Variants in RPIA observed in about 807,000 individuals in gnomAD.
RPIA encodes ribose 5-phosphate isomerase A.
In RPIA, 29 loss-of-function variants were observed where a neutral mutation model predicts 37.8. The observed-to-expected ratio is 0.77, with a 90% CI of 0.57 to 1.05. The LOEUF is 1.05. Among genes scored for constraint, RPIA ranks in the 50% least tolerant of loss-of-function variants. RPIA has a pLI of 0.00. For synonymous variants in RPIA, 167 were observed against 157.0 expected (o/e 1.06, Z -0.48); for missense variants, 385 against 413.6 (o/e 0.93, Z 0.60).
chr2:88,719,215 A>T (rs951188840), intron 3 of RPIA, among the ~76,000 whole-genome samples: 5 of 152,190 alleles, frequency 3.3e-5, no homozygotes, highest in African/African-American at 1.2e-4. Flanking sequence ...GTCAAGACAC[A>T]GTTGACAAGG....
At chr2:88,722,416 T>G (rs1315930695) in intron 3 of RPIA, among the ~76,000 whole-genome samples, 1 of 152,226 alleles carries the variant, frequency 6.6e-6, no homozygotes, top group Non-Finnish European at 1.5e-5. Context: ...CCATTACATT[T>G]ACTTATTTTA....
chr2:88,705,557 T>C (rs1187002355), intron 3 of RPIA, among the ~76,000 whole-genome samples: 1 of 152,078 alleles, frequency 6.6e-6, no homozygotes, highest in Non-Finnish European at 1.5e-5. Flanking sequence ...GAAAATTAAC[T>C]CAAGATGGAT....
At chr2:88,720,613 A>G (rs1410236283) in intron 3 of RPIA, among the ~76,000 whole-genome samples, 5 of 149,482 alleles carry the variant, frequency 3.3e-5, no homozygotes, top group Non-Finnish European at 4.4e-5. Context: ...TATTAAATAT[A>G]GTTTAAATAT....
In RPIA at chr2:88,736,583, C is replaced by T. The variant is rs1228525768; in HGVS notation, c.645C>T (p.Ile215=). ...LGDQWHKGIP[I]EVIPMAYVPV... ...ATCAGTGGCACAAGGGAATCCCCAT[C>T]GAGGTCATCCCAATGGCCTATGTCC... The change falls in exon 7 of 9, where the codon ATC becomes ATT. Residue 215 remains isoleucine, a synonymous_variant. Transcript: ENST00000283646. 8 of 1,613,974 alleles carry T rather than the reference C, an allele frequency of 5.0e-6. No individual in the cohort carries two copies. Among genetic ancestry groups the T allele is most frequent in the Admixed American group, 1.7e-5 (1 of 60,008 alleles).
At chr2:88,713,099 A>AATATATATATATAT (rs1553420187) in intron 3 of RPIA, among the ~76,000 whole-genome samples, 8 of 45,584 alleles carry the variant, frequency 1.8e-4, no homozygotes, top group African/African-American at 7.4e-4. Context: ...TGGATGTCTG[A>AATATATATATATAT]ATATATATAT....
At chr2:88,704,993 C>T (rs1166586604) in intron 3 of RPIA, among the ~76,000 whole-genome samples, 1 of 152,010 alleles carries the variant, frequency 6.6e-6, no homozygotes, top group Non-Finnish European at 1.5e-5. Flanking sequence ...AATAAAATAC[C>T]TAGGAATACA....
At chr2:88,719,168 A>G (rs1558693652) in intron 3 of RPIA, among the ~76,000 whole-genome samples, 1 of 152,168 alleles carries the variant, frequency 6.6e-6, no homozygotes, top group African/African-American at 2.4e-5. Context: ...CAAGACAACA[A>G]TTGTCATGGA....
intron 3 of RPIA, among the ~76,000 whole-genome samples, chr2:88,718,568 C>G (rs1173473728): frequency 6.6e-6 from 1 of 152,188 alleles, no homozygotes; most frequent in Non-Finnish European, 1.5e-5. Context: ...CTCAGGAATC[C>G]TGTACAGGGA....
At chr2:88,728,501 C>T (rs1277296898) in intron 3 of RPIA, among the ~76,000 whole-genome samples, 1 of 152,106 alleles carries the variant, frequency 6.6e-6, no homozygotes, top group African/African-American at 2.4e-5. Context: ...AAAAGTTTTC[C>T]ATCCTTTGGT....
At chr2:88,713,488 T>C (rs1420372356) in intron 3 of RPIA, among the ~76,000 whole-genome samples, 1 of 152,164 alleles carries the variant, frequency 6.6e-6, no homozygotes, top group Non-Finnish European at 1.5e-5. Flanking sequence ...ATCCTTTGTA[T>C]GAAATCTATT....
chr2:88,720,539 A>G (rs1021735030), intron 3 of RPIA, among the ~76,000 whole-genome samples: 10 of 151,660 alleles, frequency 6.6e-5, no homozygotes, highest in African/African-American at 2.4e-4. Context: ...AAATGGTGAG[A>G]TGTAATAAAT....
intron 4 of RPIA, 59 bp downstream of exon 4, chr2:88,729,396 T>C: frequency 6.7e-7 from 1 of 1,483,810 alleles, no homozygotes; most frequent in Non-Finnish European, 9.4e-7. Context: ...TTTATGGCTG[T>C]CACTTGTTCA....
At position 88,750,331 on chromosome 2, in the gene RPIA, G is replaced by T; in HGVS notation, c.*253G>T. The T allele has an allele frequency of 2.7e-6, 1 of 374,608 alleles. No individual in the cohort carries two copies. Among genetic ancestry groups the T allele is most frequent in the Admixed American group, 4.1e-5 (1 of 24,254 alleles). The allele number at this position is 374,608 out of a possible 1,614,324, so 23.2% of individuals were successfully genotyped here. On this transcript the variant is annotated 3_prime_UTR_variant, in exon 9 of 9. Transcript: ENST00000283646. ...GTTTTTTAAATGAAGTAGAACTTGAGTTCATGTTTTATATGAAATATTTAC... is the reference window on the plus strand; with the variant it reads ...GTTTTTTAAATGAAGTAGAACTTGATTTCATGTTTTATATGAAATATTTAC...
At chr2:88,713,355 A>G (rs1672987829) in intron 3 of RPIA, among the ~76,000 whole-genome samples, 2 of 151,630 alleles carry the variant, frequency 1.3e-5, no homozygotes, top group Admixed American at 1.3e-4. Context: ...ACTTTTCCTC[A>G]GTCATCATTT....
At chr2:88,704,147 C>T (rs1277452436) in intron 3 of RPIA, among the ~76,000 whole-genome samples, 1 of 152,220 alleles carries the variant, frequency 6.6e-6, no homozygotes, top group African/African-American at 2.4e-5. Context: ...TTTCTGTCTT[C>T]TGAGCCCTCC....
chr2:88,699,902 T>C (rs548036130), intron 2 of RPIA, 107 bp from the exon 3 acceptor site: 37 of 1,196,704 alleles, frequency 3.1e-5, no homozygotes, highest in Admixed American at 2.3e-4. Context: ...GCAGCTGTCT[T>C]TGGGAAATAG....
At chr2:88,700,879 G>T (rs35122784) in intron 3 of RPIA, among the ~76,000 whole-genome samples, 5,955 of 152,204 alleles carry the variant, frequency 0.039, 162 homozygotes, top group Middle Eastern at 0.075. Context: ...ATAATCTCTC[G>T]CTGGATTAGT....
At chr2:88,703,722 T>C (rs1672863361) in intron 3 of RPIA, among the ~76,000 whole-genome samples, 1 of 152,204 alleles carries the variant, frequency 6.6e-6, no homozygotes, top group African/African-American at 2.4e-5. Context: ...CCCACTGTCT[T>C]GGGGATTAAC....
In RPIA at chr2:88,750,811, A is replaced by T. The variant is rs1673496756; in HGVS notation, c.*733A>T. On this transcript the variant is annotated 3_prime_UTR_variant, in exon 9 of 9. Transcript: ENST00000283646. ...GTACTTTGTTTTTTTATTTTTAATG[A>T]TTTTCTTTTTGTTATTAATATTTTT... 2.5e-6 allele frequency: 1 copy of T among 398,044 alleles called. No homozygotes were observed. Among genetic ancestry groups the T allele is most frequent in the African/African-American group, 2.1e-5 (1 of 48,490 alleles). 24.7% of individuals were successfully genotyped at this position (398,044 alleles called of 1,614,324 possible). A position where few individuals can be genotyped will look rare whatever the true frequency, so the allele number is the denominator to read the frequency against.
Sources: allele counts gnomAD v4.1 joint callset (sites outside exome capture counted in the v4.1 genomes callset), GRCh38; gene constraint gnomAD v4.1.1; transcripts MANE v1.5; gene names NCBI Gene and HGNC (gene_info 2026-07-23, HGNC 2026-07-21).